The following KBTBD12 variants were observed in gnomAD, a reference collection of about 807,000 sequenced individuals.
KBTBD12 encodes kelch repeat and BTB domain-containing protein 12.
KBTBD12 carries 53 observed loss-of-function variants against 58.7 expected under a neutral mutation model. The observed-to-expected ratio is 0.90, with a 90% CI of 0.72 to 1.14. The LOEUF is 1.14. Ranked by LOEUF, KBTBD12 falls within the 50% of genes most tolerant of loss-of-function variation. KBTBD12 has a pLI of 0.00. For synonymous variants in KBTBD12, 236 were observed against 259.8 expected, an observed-to-expected ratio of 0.91 and a Z score of 0.88; for missense variants, 704 against 751.3, an observed-to-expected ratio of 0.94 and a Z score of 0.74.
intron 4 of KBTBD12, among the ~76,000 whole-genome samples, chr3:127,948,020 A>G (rs531660596): frequency 6.6e-6 from 1 of 152,364 alleles, no homozygotes; most frequent in Admixed American, 6.5e-5. Context: ...CTTATAAAGA[A>G]GTGGAAGAAT....
Position 127,984,431 on chromosome 3 carries a change from C to T in KBTBD12, c.*153C>T. ...TGTGTGCTGGGCACTGGGTGGGGAG[C>T]ATGGGGAGTCTCCCTTCAGGGACTT... On this transcript the variant is annotated 3_prime_UTR_variant, in exon 6 of 6. Transcript: ENST00000405109. 1.5e-6 allele frequency: 1 copy of T among 672,692 alleles called. No homozygotes were observed. 41.7% of individuals were successfully genotyped at this position (672,692 alleles called of 1,614,324 possible).
At chr3:127,920,564 A>G (rs573843233) in intron 1 of KBTBD12, among the ~76,000 whole-genome samples, 3 of 152,302 alleles carry the variant, frequency 2.0e-5, no homozygotes, top group Admixed American at 6.5e-5. Flanking sequence ...AAAAGAAGGC[A>G]CGGTCATATA....
chr3:127,975,687 T>G (rs1940772028), intron 5 of KBTBD12, among the ~76,000 whole-genome samples: 1 of 152,202 alleles, frequency 6.6e-6, no homozygotes, highest in African/African-American at 2.4e-5. Context: ...CCCTAAAGTT[T>G]TATATGTTTT....
At chr3:127,944,662 C>T (rs893226345) in intron 4 of KBTBD12, among the ~76,000 whole-genome samples, 3 of 152,078 alleles carry the variant, frequency 2.0e-5, no homozygotes, top group African/African-American at 7.2e-5. Flanking sequence ...GTGGCTTTTA[C>T]TTCTTTTTCT....
At chr3:127,917,592 C>T (rs1336347784) in intron 1 of KBTBD12, among the ~76,000 whole-genome samples, 4 of 152,136 alleles carry the variant, frequency 2.6e-5, no homozygotes, top group Non-Finnish European at 5.9e-5. Context: ...TTATTCTTTC[C>T]GGGGACCAGC....
At chr3:127,936,046 A>T (rs890585883) in intron 4 of KBTBD12, among the ~76,000 whole-genome samples, 3 of 152,182 alleles carry the variant, frequency 2.0e-5, no homozygotes, top group Admixed American at 6.6e-5. Flanking sequence ...ATACCTAAAA[A>T]GAGAGACCTA....
At chr3:127,955,326 C>G (rs747770064) in intron 4 of KBTBD12, among the ~76,000 whole-genome samples, 4 of 152,158 alleles carry the variant, frequency 2.6e-5, no homozygotes, top group Admixed American at 6.5e-5. Context: ...CATAACAGCA[C>G]TGTCCAAGTC....
intron 4 of KBTBD12, among the ~76,000 whole-genome samples, chr3:127,953,336 T>A (rs1940250364): frequency 4.6e-5 from 7 of 152,220 alleles, no homozygotes; most frequent in Admixed American, 4.6e-4. Flanking sequence ...GGACTGAGTC[T>A]TTCTACTTTC....
intron 4 of KBTBD12, among the ~76,000 whole-genome samples, chr3:127,950,865 C>T (rs766866683): frequency 2.0e-5 from 3 of 152,048 alleles, no homozygotes; most frequent in Non-Finnish European, 2.9e-5. Flanking sequence ...AACCCTGTCT[C>T]TACTAAAAAT....
chr3:127,969,803 T>C (rs1050495289), intron 5 of KBTBD12, among the ~76,000 whole-genome samples: 2 of 152,134 alleles, frequency 1.3e-5, no homozygotes, highest in Non-Finnish European at 2.9e-5. Context: ...CCTCTTACCA[T>C]GTACAAAAAG....
At chr3:127,976,495 A>G (rs558385727) in intron 5 of KBTBD12, among the ~76,000 whole-genome samples, 38 of 152,350 alleles carry the variant, frequency 2.5e-4, no homozygotes, top group African/African-American at 9.1e-4. Context: ...CAGGTTATAC[A>G]TTCCCGGCTG....
intron 5 of KBTBD12, among the ~76,000 whole-genome samples, chr3:127,966,699 C>A (rs1940578771): frequency 6.9e-6 from 1 of 145,852 alleles, no homozygotes. Context: ...AATAAATTAT[C>A]CATGAAGTAA....
chr3:127,938,081 G>C (rs571260940), intron 4 of KBTBD12, among the ~76,000 whole-genome samples: 1 of 152,082 alleles, frequency 6.6e-6, no homozygotes, highest in African/African-American at 2.4e-5. Context: ...TGTGATCCCA[G>C]ATTGAAGATC....
intron 5 of KBTBD12, among the ~76,000 whole-genome samples, chr3:127,971,629 AG>A (rs1222131224): frequency 6.6e-6 from 1 of 152,184 alleles, no homozygotes; most frequent in Non-Finnish European, 1.5e-5. Context: ...CCCTTCCTCC[AG>A]GATGGCAGGG....
intron 4 of KBTBD12, among the ~76,000 whole-genome samples, chr3:127,930,945 T>C (rs1484102902): frequency 1.3e-5 from 2 of 152,136 alleles, no homozygotes; most frequent in African/African-American, 2.4e-5. Flanking sequence ...TCCTTAGCTC[T>C]TTTAAGTACA....
intron 4 of KBTBD12, among the ~76,000 whole-genome samples, chr3:127,949,718 G>A (rs1940164559): frequency 1.3e-5 from 2 of 152,166 alleles, no homozygotes; most frequent in South Asian, 4.1e-4. Context: ...AAACAGAATG[G>A]ATGAAATTTT....
chr3:127,974,444 T>C (rs1412991873), intron 5 of KBTBD12, among the ~76,000 whole-genome samples: 1 of 152,146 alleles, frequency 6.6e-6, no homozygotes, highest in Non-Finnish European at 1.5e-5. Context: ...TTGCTCTCCC[T>C]AGATGCCAGA....
chr3:127,968,710 C>T lies in KBTBD12; in HGVS notation c.1690+5324C>T, dbSNP rs564118424. Among the ~76,000 whole-genome samples the T allele has an allele frequency of 2.9e-4, 44 of 152,064 alleles. No individual in the cohort carries two copies. In the South Asian group the frequency reaches 3.9e-3, roughly 14 times the overall value. On this transcript the variant is annotated intron_variant, in intron 5 of 5. Coordinates refer to ENST00000405109, the MANE Select transcript of KBTBD12 (RefSeq NM_207335.4). ...ATGGGTTGATCCGTGCAGCACACCA[C>T]CATGGCACACATTTACCTATGTAAC...
At chr3:127,980,674 A>G (rs1940858608) in intron 5 of KBTBD12, among the ~76,000 whole-genome samples, 2 of 152,180 alleles carry the variant, frequency 1.3e-5, no homozygotes, top group Admixed American at 6.5e-5. Context: ...TCCATAAACC[A>G]TCCTTCTGTG....
Sources: gnomAD v4.1 joint callset for allele counts (sites outside exome capture counted in the v4.1 genomes callset) on GRCh38, gnomAD v4.1.1 for gene constraint, MANE v1.5 for transcripts, NCBI Gene and HGNC (gene_info 2026-07-23, HGNC 2026-07-21) for gene names.